The following MEI1 variants were observed in gnomAD, a reference collection of about 807,000 sequenced individuals.
MEI1 encodes the protein meiotic double-stranded break formation protein 1.
Under a neutral mutation model 146.2 loss-of-function variants are expected in MEI1, and 103 were observed. The ratio of observed to expected loss-of-function variants is 0.70; its 90% CI spans 0.60 to 0.83. The LOEUF is 0.83. Ranked by LOEUF, MEI1 falls within the 40% of genes least tolerant of loss-of-function variation. MEI1 has a pLI of 0.00. For missense variants in MEI1, 1,529 were observed against 1,533.0 expected (o/e 1.00, Z 0.04); for synonymous variants, 652 against 628.2 (o/e 1.04, Z -0.57).
chr22:41,717,628 T>G (rs1601706803), intron 5 of MEI1, among the ~76,000 whole-genome samples: 1 of 150,934 alleles, frequency 6.6e-6, no homozygotes, highest in Non-Finnish European at 1.5e-5. Context: ...CTTTTTTTTT[T>G]TTTTTGAGTT....
At chr22:41,712,671 GATGTGTGTGT>G (rs1328770698) in intron 3 of MEI1, among the ~76,000 whole-genome samples, 1 of 56,212 alleles carries the variant, frequency 1.8e-5, no homozygotes, top group African/African-American at 6.9e-5. Context: ...AATAGAAATA[GATGTGTGTGT>G]GTGTGTGTGT....
Position 41,705,545 on chromosome 22 carries a change from T to G in MEI1, c.340T>G (p.Cys114Gly). ...GGAAGATGGGAGTGTGACAGACCTC[T>G]GTATTGAAGGTAAGTTGAAACCTTG... ...SMEDGSVTDL[C>G]IEVLIQITTQ... Residue 114 changes from cysteine (C) to glycine (G), a missense_variant, in exon 3 of 31, where the codon TGT (cysteine) becomes GGT (glycine). Physicochemically the swap from Cys to Gly is radical, Grantham distance 159 (BLOSUM62 -3). Around this residue, in one of 3 missense-constraint regions of MEI1, gnomAD observed 1,212 missense variants for 1,178.9 expected, o/e 1.03. Coordinates refer to ENST00000401548, the MANE Select transcript of MEI1 (RefSeq NM_152513.4). 6.2e-7 allele frequency: 1 copy of G among 1,613,384 alleles called. No homozygotes were observed. The highest frequency in any genetic ancestry group is 8.5e-7 in the Non-Finnish European group (1 of 1,179,404).
Position 41,723,953 on chromosome 22 carries a change from G to A in MEI1, c.744G>A (p.Arg248=). Residue 248 remains arginine, a synonymous_variant, in exon 7 of 31, where the codon AGG becomes AGA. Transcript: ENST00000401548. ...CCCTTTGTTTCCTAGGTTTGCTGAG[G>A]CAGCTGTTGAAGTATGATCTCTTTG... ...ELQINCLGLL[R]QLLKYDLFVS... 6.2e-7 allele frequency: 1 copy of A among 1,601,514 alleles called. No homozygotes were observed. The highest frequency in any genetic ancestry group is 1.3e-5 in the African/African-American group (1 of 74,924).
chr22:41,738,353 C>T (rs894315921), intron 11 of MEI1, among the ~76,000 whole-genome samples: 1 of 152,102 alleles, frequency 6.6e-6, no homozygotes, highest in African/African-American at 2.4e-5. Flanking sequence ...CTTTGGGAGG[C>T]CGAGGCGGGC....
At chr22:41,715,586 G>A (rs1220047606) in intron 4 of MEI1, among the ~76,000 whole-genome samples, 2 of 151,844 alleles carry the variant, frequency 1.3e-5, no homozygotes, top group Admixed American at 6.6e-5. Flanking sequence ...TAGTAGAGAC[G>A]GGGTTTCACT....
chr22:41,752,181 C>T (rs1353537368), intron 15 of MEI1, among the ~76,000 whole-genome samples: 1 of 152,148 alleles, frequency 6.6e-6, no homozygotes, highest in Non-Finnish European at 1.5e-5. Context: ...GTTCTTTCTG[C>T]ATCTGAAACT....
At chr22:41,733,379 G>C (rs1484816578) in intron 11 of MEI1, among the ~76,000 whole-genome samples, 1 of 152,136 alleles carries the variant, frequency 6.6e-6, no homozygotes, top group Non-Finnish European at 1.5e-5. Flanking sequence ...AACCTGGGAA[G>C]CAGAGGTTGC....
At chr22:41,705,669 C>A in intron 3 of MEI1, 115 bp downstream of exon 3, 1 of 839,306 alleles carries the variant, frequency 1.2e-6, no homozygotes, top group East Asian at 2.5e-5. Flanking sequence ...AAGAGGAACC[C>A]CATTAGTTTT....
chr22:41,761,341 G>A (rs1315674551), intron 18 of MEI1, among the ~76,000 whole-genome samples: 14 of 144,094 alleles, frequency 9.7e-5, no homozygotes, highest in African/African-American at 3.6e-4. Context: ...TTGAGACGGA[G>A]ACTCACTCTG....
intron 3 of MEI1, 131 bp from the exon 4 acceptor site, chr22:41,713,871 G>T: frequency 1.4e-6 from 1 of 716,316 alleles, no homozygotes; most frequent in South Asian, 1.9e-5. Flanking sequence ...TTAAATGGAA[G>T]AAATAGAAAA....
intron 5 of MEI1, 137 bp downstream of exon 5, chr22:41,716,283 A>AAT (rs2070144321): frequency 5.0e-6 from 3 of 597,900 alleles, no homozygotes; most frequent in African/African-American, 1.9e-5. Flanking sequence ...CCGTCTGCAA[A>AAT]ATGTACTGTA....
chr22:41,705,594 T>C, intron 3 of MEI1, 40 bp downstream of exon 3: 2 of 1,574,156 alleles, frequency 1.3e-6, no homozygotes, highest in Non-Finnish European at 1.7e-6. Context: ...AAGATGAAAG[T>C]ATTAGTCTGA....
At chr22:41,729,897 A>G (rs2071706375) in intron 8 of MEI1, 118 bp downstream of exon 8, 1 of 630,256 alleles carries the variant, frequency 1.6e-6, no homozygotes, top group Non-Finnish European at 2.5e-6. Flanking sequence ...TCCTATTGCT[A>G]CAGATTTCTT....
intron 26 of MEI1, among the ~76,000 whole-genome samples, chr22:41,785,413 C>T (rs1334552451): frequency 6.6e-6 from 1 of 150,962 alleles, no homozygotes; most frequent in Non-Finnish European, 1.5e-5. Context: ...CAGGCAGCCA[C>T]CACCACGCCC....
At chr22:41,749,065 A>G (rs1393880105) in intron 15 of MEI1, among the ~76,000 whole-genome samples, 1 of 152,026 alleles carries the variant, frequency 6.6e-6, no homozygotes, top group African/African-American at 2.4e-5. Flanking sequence ...CGGCCTCCCA[A>G]AGTGCTGGGA....
intron 7 of MEI1, among the ~76,000 whole-genome samples, chr22:41,726,301 T>A (rs1485548129): frequency 6.6e-6 from 1 of 152,196 alleles, no homozygotes; most frequent in Non-Finnish European, 1.5e-5. Flanking sequence ...TCAAGTGTAA[T>A]GAGCTAGGAT....
intron 18 of MEI1, 150 bp from the exon 19 acceptor site, chr22:41,763,024 G>A (rs2074598468): frequency 3.9e-6 from 3 of 764,392 alleles, no homozygotes; most frequent in Non-Finnish European, 6.3e-6. Context: ...TTGTAAGTAT[G>A]TATAGCACAC....
intron 11 of MEI1, among the ~76,000 whole-genome samples, chr22:41,740,996 C>G (rs1329842915): frequency 6.6e-6 from 1 of 152,110 alleles, no homozygotes; most frequent in Non-Finnish European, 1.5e-5. Context: ...CTGCAACCTC[C>G]AACTCCCTGG....
chr22:41,729,334 GTTTCA>G (rs1157043076), intron 7 of MEI1, among the ~76,000 whole-genome samples: 1 of 152,148 alleles, frequency 6.6e-6, no homozygotes, highest in Non-Finnish European at 1.5e-5. Flanking sequence ...AGTGAGACCT[GTTTCA>G]TAAATAAATA....
Sources: gnomAD v4.1 joint callset for allele counts (sites outside exome capture counted in the v4.1 genomes callset) on GRCh38, gnomAD v4.1.1 for gene constraint, gnomAD v4.1.1 regional missense constraint, MANE v1.5 for transcripts, NCBI Gene and HGNC (gene_info 2026-07-23, HGNC 2026-07-21) for gene names.